Variants in GOSR2 observed in about 807,000 individuals in gnomAD.
The protein encoded by GOSR2 is 27 kDa Golgi SNARE protein.
GOSR2 carries 20 observed loss-of-function variants against 27.9 expected under a neutral mutation model. The observed-to-expected ratio is 0.72, with a 90% CI of 0.50 to 1.04. The LOEUF (loss-of-function observed/expected upper bound fraction) is 1.04, where lower values mean the gene tolerates loss of function less well. Ranked by LOEUF, GOSR2 falls within the 50% of genes least tolerant of loss-of-function variation. The pLI is 0.00. For missense variants in GOSR2, 261 were observed against 270.5 expected, an observed-to-expected ratio of 0.97 and a Z score of 0.25; for synonymous variants, 91 against 98.8, an observed-to-expected ratio of 0.92 and a Z score of 0.47.
In GOSR2 at chr17:46,960,325, A is replaced by T. The variant is rs550050584; in HGVS notation, c.584-6209A>T. On this transcript the variant is annotated intron_variant, in intron 6 of 6. Coordinates refer to the GOSR2 transcript ENST00000573224. ...CACTACACACTTGGCATACATACAAACAAACACAACACAAAATCTGACAAT... is the reference window on the plus strand; with the variant it reads ...CACTACACACTTGGCATACATACAATCAAACACAACACAAAATCTGACAAT... Among the ~76,000 whole-genome samples, 34 of 152,340 alleles carry T rather than the reference A, an allele frequency of 2.2e-4. No homozygotes were observed. The East Asian group carries it at 6.4e-3, about 28-fold the overall frequency.
chr17:46,970,751 T>A (rs1249652507), downstream of GOSR2, among the ~76,000 whole-genome samples: 1 of 152,164 alleles, frequency 6.6e-6, no homozygotes, highest in Non-Finnish European at 1.5e-5. Context: ...GATGTTTGCA[T>A]AAAAGAGAAC....
chr17:46,967,919 G>T (rs915770097), downstream of GOSR2, among the ~76,000 whole-genome samples: 1 of 152,280 alleles, frequency 6.6e-6, no homozygotes, highest in East Asian at 1.9e-4. Flanking sequence ...AAGAGGGAGA[G>T]CCACTGTGAA....
At chr17:46,923,862 C>G (rs1346572703) in intron 1 of GOSR2, 23 of 397,622 alleles carry the variant, frequency 5.8e-5, no homozygotes, top group Non-Finnish European at 2.7e-5. Flanking sequence ...TGCTGAGATA[C>G]GTAGTTGAGT....
At chr17:46,927,652 A>G (rs927278014) in intron 1 of GOSR2, among the ~76,000 whole-genome samples, 10 of 152,194 alleles carry the variant, frequency 6.6e-5, no homozygotes, top group Non-Finnish European at 1.3e-4. Flanking sequence ...AAAAGCTCCC[A>G]AATAACGTGG....
chr17:46,941,446 A>G lies in GOSR2; in HGVS notation c.*2686A>G. 5.1e-6 allele frequency: 5 copies of G among 984,086 alleles called. No individual in the cohort carries two copies. Among genetic ancestry groups the G allele is most frequent in the Non-Finnish European group, 6.0e-6 (5 of 828,710 alleles). The allele number at this position is 984,086 out of a possible 1,614,324, so 61.0% of individuals were successfully genotyped here. On this transcript the variant is annotated 3_prime_UTR_variant, in exon 6 of 6. Transcript: ENST00000640051. ...TATGTTTCTAGGCCAGAGATTCTCAAACACTGCTCCATGGCCAGGGGCTGG... is the reference window on the plus strand; with the variant it reads ...TATGTTTCTAGGCCAGAGATTCTCAGACACTGCTCCATGGCCAGGGGCTGG...
At chr17:46,974,139 C>G (rs530644937) in intron 6 of GOSR2, among the ~76,000 whole-genome samples, 1 of 152,228 alleles carries the variant, frequency 6.6e-6, no homozygotes, top group Non-Finnish European at 1.5e-5. Flanking sequence ...GTACTATCCC[C>G]GACTCAGAGG....
chr17:46,940,529 G>A lies in GOSR2; in HGVS notation c.*1769G>A. On this transcript the variant is annotated 3_prime_UTR_variant, in exon 6 of 6. Coordinates refer to ENST00000640051, the MANE Select transcript of GOSR2 (RefSeq NM_004287.5). ...TCCATAAAATGGATTCTGAGACTGC[G>A]ACGGCAAGGCTGTCCTGTCCCCCAG... The A allele has an allele frequency of 1.2e-6, 2 of 1,614,052 alleles. No homozygotes were observed. The highest frequency in any genetic ancestry group is 1.7e-6 in the Non-Finnish European group (2 of 1,179,984).
chr17:46,939,163 AG>A lies in GOSR2; in HGVS notation c.*406del. 1 of 1,106,954 alleles carries A rather than the reference AG, an allele frequency of 9.0e-7. No homozygotes were observed. The highest frequency in any genetic ancestry group is 1.1e-6 in the Non-Finnish European group (1 of 898,618). 68.6% of individuals were successfully genotyped at this position (1,106,954 alleles called of 1,614,324 possible). ...CCATCAGGCCTTTCTGGCTCCTGATAGGGTGGAGCAAAAGTGGAAAGGAAAG... is the reference window on the plus strand; with the variant it reads ...CCATCAGGCCTTTCTGGCTCCTGATAGGTGGAGCAAAAGTGGAAAGGAAAG... On this transcript the variant is annotated 3_prime_UTR_variant, in exon 6 of 6. Coordinates refer to ENST00000640051, the MANE Select transcript of GOSR2 (RefSeq NM_004287.5).
At chr17:46,950,497 G>T (rs887506246) in intron 6 of GOSR2, among the ~76,000 whole-genome samples, 2 of 152,210 alleles carry the variant, frequency 1.3e-5, no homozygotes, top group Non-Finnish European at 2.9e-5. Flanking sequence ...CCCAGGGAAA[G>T]GCCCAATTAA....
rs754486092 is a variant in GOSR2, at chr17:46,932,026, C to T, written c.204-41C>T. 3 of 1,606,386 alleles carry T rather than the reference C, an allele frequency of 1.9e-6. No homozygotes were observed. In the East Asian group the frequency reaches 6.7e-5, roughly 36 times the overall value. ...CCTGGCCCCCTCAGATTCTGCTGCC[C>T]TGAGTTCCTGGAATTTAATCTCTCT... On this transcript the variant is annotated intron_variant, in intron 3 of 5. Transcript: ENST00000640051.
intron 4 of GOSR2, chr17:46,933,164 T>C (rs1358695197): frequency 3.9e-5 from 6 of 152,268 alleles, no homozygotes; most frequent in East Asian, 1.9e-4. Context: ...TCAGGCCTTT[T>C]TTAGGCCAAG....
downstream of GOSR2, among the ~76,000 whole-genome samples, chr17:46,944,437 G>A (rs1255505205): frequency 3.9e-5 from 6 of 152,078 alleles, no homozygotes; most frequent in East Asian, 3.9e-4. Flanking sequence ...CATGAGGCCC[G>A]AGTCACGTAG....
At chr17:46,932,236 G>A (rs2087499958) in intron 4 of GOSR2, 37 bp downstream of exon 4, 1 of 1,612,722 alleles carries the variant, frequency 6.2e-7, no homozygotes, top group Non-Finnish European at 8.5e-7. Context: ...GCCTGCACTT[G>A]ACAGATCGTG....
In GOSR2 at chr17:46,940,469, G is replaced by A. The variant is rs2089108554; in HGVS notation, c.*1709G>A. ...CATTTCCATTACACACAGCACTGCT[G>A]CGGTGCCAGGGACCTAGCGCAGGAC... On this transcript the variant is annotated 3_prime_UTR_variant, in exon 6 of 6. Coordinates refer to ENST00000640051, the MANE Select transcript of GOSR2 (RefSeq NM_004287.5). 2 of 1,611,416 alleles carry A rather than the reference G, an allele frequency of 1.2e-6. No individual in the cohort carries two copies. The highest frequency in any genetic ancestry group is 3.3e-5 in the Admixed American group (2 of 60,004).
chr17:46,923,560 C>A (rs1598906488), intron 1 of GOSR2: 1 of 1,319,152 alleles, frequency 7.6e-7, no homozygotes, highest in Non-Finnish European at 9.6e-7. Flanking sequence ...GGTTGGTAGA[C>A]CTCGAGAGGA....
At chr17:46,966,406 T>C in intron 6 of GOSR2, 1 of 566,802 alleles carries the variant, frequency 1.8e-6, no homozygotes, top group Non-Finnish European at 3.1e-6. Context: ...TACCTGGTCC[T>C]TGTGACTTAT....
In GOSR2 at chr17:46,940,432, G is replaced by A; in HGVS notation, c.*1672G>A. 6.2e-7 allele frequency: 1 copy of A among 1,601,994 alleles called. No individual in the cohort carries two copies. Among genetic ancestry groups the A allele is most frequent in the Non-Finnish European group, 8.5e-7 (1 of 1,178,134 alleles). ...AGACCTAGATCTGTCTAACTCTGGGGAGGCACATTGACATTTCCATTACAC... is the reference window on the plus strand; with the variant it reads ...AGACCTAGATCTGTCTAACTCTGGGAAGGCACATTGACATTTCCATTACAC... On this transcript the variant is annotated 3_prime_UTR_variant, in exon 6 of 6. Coordinates refer to ENST00000640051, the MANE Select transcript of GOSR2 (RefSeq NM_004287.5).
At chr17:46,943,611 G>A (rs940311504), downstream of GOSR2, among the ~76,000 whole-genome samples, 4 of 152,204 alleles carry the variant, frequency 2.6e-5, no homozygotes, top group Admixed American at 6.5e-5. Flanking sequence ...TCCCGGGCAC[G>A]TAGTAGGCGC....
intron 6 of GOSR2, among the ~76,000 whole-genome samples, chr17:46,954,053 G>C (rs1373091889): frequency 6.6e-6 from 1 of 152,198 alleles, no homozygotes; most frequent in Non-Finnish European, 1.5e-5. Flanking sequence ...GATCCCATTT[G>C]TCAATTTTGG....
Sources: allele counts gnomAD v4.1 joint callset (sites outside exome capture counted in the v4.1 genomes callset), GRCh38; gene constraint gnomAD v4.1.1; transcripts MANE v1.5; gene names NCBI Gene and HGNC (gene_info 2026-07-23, HGNC 2026-07-21).